CSAD: variants seen among roughly 807,000 people sequenced by gnomAD.
CSAD encodes P-selectin cytoplasmic tail-associated protein.
A neutral mutation model predicts 61.5 loss-of-function variants in CSAD; 47 were observed. The ratio of observed to expected loss-of-function variants is 0.76; its 90% CI spans 0.60 to 0.97. CSAD has a LOEUF of 0.97. Among genes scored for constraint, CSAD ranks in the 50% least tolerant of loss-of-function variants. The pLI is 0.00. For synonymous variants in CSAD, 245 were observed against 252.7 expected, an observed-to-expected ratio of 0.97 and a Z score of 0.29; for missense variants, 611 against 643.6, an observed-to-expected ratio of 0.95 and a Z score of 0.55.
intron 7 of CSAD, 51 bp downstream of exon 7, chr12:53,171,831 A>T: frequency 8.6e-7 from 1 of 1,156,136 alleles, no homozygotes. Context: ...ACGGTGGGGG[A>T]GGAGGAACTC....
rs1026003823 is a variant in CSAD, at chr12:53,170,202, C to G, written c.648-76G>C. ...GCAGGGTAAGGTGGGGTTAGCAATG[C>G]AGAGACAACAGTGCTAGTTTTTCCC... On this transcript the variant is annotated intron_variant, in intron 9 of 16. Coordinates refer to ENST00000444623, the MANE Select transcript of CSAD (RefSeq NM_001244705.2). 24 of 1,319,752 alleles carry G rather than the reference C, an allele frequency of 1.8e-5. No homozygotes were observed. The Middle Eastern group carries it at 5.4e-4, about 30-fold the overall frequency. The allele number at this position is 1,319,752 out of a possible 1,614,324, so 81.8% of individuals were successfully genotyped here.
chr12:53,173,292 A>C, intron 4 of CSAD, 53 bp downstream of exon 4: 1 of 1,494,860 alleles, frequency 6.7e-7, no homozygotes. Flanking sequence ...AAAAGAAAAG[A>C]GAAAAGAAAA....
At chr12:53,167,981 T>A (rs1940119529) in intron 10 of CSAD, among the ~76,000 whole-genome samples, 2 of 152,196 alleles carry the variant, frequency 1.3e-5, no homozygotes, top group African/African-American at 4.8e-5. Flanking sequence ...AACCCAAATG[T>A]CCATCAACTG....
At position 53,173,755 on chromosome 12, in the gene CSAD, G is replaced by A; in HGVS notation, c.-34C>T. ...CTCTGCTCAGGAGAGCCGGAGGCAGGGTGCACAGGTAGCTCCTCAGGACAG... is the reference window on the plus strand; with the variant it reads ...CTCTGCTCAGGAGAGCCGGAGGCAGAGTGCACAGGTAGCTCCTCAGGACAG... On this transcript the variant is annotated 5_prime_UTR_variant, in exon 3 of 17. Transcript: ENST00000444623. 6.2e-7 allele frequency: 1 copy of A among 1,613,122 alleles called. No individual in the cohort carries two copies. The highest frequency in any genetic ancestry group is 8.5e-7 in the Non-Finnish European group (1 of 1,179,274).
chr12:53,170,402 T>C (rs1040455570), intron 9 of CSAD, 21 bp downstream of exon 9: 3 of 1,608,844 alleles, frequency 1.9e-6, no homozygotes, highest in South Asian at 2.2e-5. Flanking sequence ...GTCACAGCCA[T>C]GTGGGCAGAA....
intron 4 of CSAD, 91 bp downstream of exon 4, chr12:53,173,254 A>AGG (rs67334572): frequency 5.7e-6 from 6 of 1,061,724 alleles, no homozygotes; most frequent in Non-Finnish European, 6.8e-6. Flanking sequence ...GAAGGAAGGA[A>AGG]GGGGGGGGGA....
chr12:53,160,907 T>A, intron 12 of CSAD, 63 bp from the exon 13 acceptor site: 1 of 1,445,578 alleles, frequency 6.9e-7, no homozygotes, highest in Non-Finnish European at 9.5e-7. Flanking sequence ...CCAGAGCCCT[T>A]CCTCCTTTTC....
At chr12:53,169,699 C>T (rs965287859) in intron 10 of CSAD, among the ~76,000 whole-genome samples, 2 of 151,864 alleles carry the variant, frequency 1.3e-5, no homozygotes, top group African/African-American at 4.8e-5. Context: ...TGCTAATGTC[C>T]CCTCATCCCC....
chr12:53,178,658 G>A (rs904338055), intron 2 of CSAD, among the ~76,000 whole-genome samples: 1 of 152,084 alleles, frequency 6.6e-6, no homozygotes, highest in African/African-American at 2.4e-5. Flanking sequence ...AGCCGGGCTG[G>A]CAGCAGGCGC....
chr12:53,177,954 TA>T (rs751734048), intron 2 of CSAD: 1,933 of 150,176 alleles, frequency 0.013, no homozygotes, highest in South Asian at 0.053. Flanking sequence ...ACCCATCTCT[TA>T]AAAAAAAAAA....
intron 10 of CSAD, among the ~76,000 whole-genome samples, chr12:53,162,187 C>T (rs193245290): frequency 2.0e-5 from 3 of 151,878 alleles, no homozygotes; most frequent in African/African-American, 4.8e-5. Context: ...GCATGAGAAT[C>T]GCTTGAACCC....
chr12:53,171,245 G>C, intron 8 of CSAD, 81 bp downstream of exon 8: 4 of 1,600,828 alleles, frequency 2.5e-6, no homozygotes, highest in South Asian at 1.1e-5. Flanking sequence ...GGAGGGCAGG[G>C]AGAAGACCTG....
At chr12:53,173,250 AG>A in intron 4 of CSAD, 94 bp downstream of exon 4, 3 of 1,105,548 alleles carry the variant, frequency 2.7e-6, no homozygotes, top group Non-Finnish European at 3.9e-6. Flanking sequence ...GAAAGAAGGA[AG>A]GAAGGGGGGG....
chr12:53,170,497 G>C lies in CSAD; in HGVS notation c.573C>G (p.His191Gln), dbSNP rs1940432012. Residue 191 changes from histidine (H) to glutamine (Q), a missense_variant, in exon 9 of 17, where the codon CAC (histidine) becomes CAG (glutamine). Coordinates refer to ENST00000444623, the MANE Select transcript of CSAD (RefSeq NM_001244705.2). ...PLALFTSKECHYSIQKGAAFL... is the reference protein window; with the variant it reads ...PLALFTSKECQYSIQKGAAFL... ...ACGCAGCTCCCTTCTGGATGGAGTA[G>C]TGACACTGTGGGGGAAGGCAGAGGG... is the stretch of plus-strand genomic sequence containing the variant. 2 of 1,613,904 alleles carry C rather than the reference G, an allele frequency of 1.2e-6. No individual in the cohort carries two copies. Among genetic ancestry groups the C allele is most frequent in the Non-Finnish European group, 1.7e-6 (2 of 1,179,896 alleles).
At position 53,173,792 on chromosome 12, in the gene CSAD, T is replaced by C. The variant is rs757217659; in HGVS notation, c.-49-22A>G. On this transcript the variant is annotated intron_variant, in intron 2 of 16. Transcript: ENST00000444623. ...GCTCCTCAGGACAGCAGGACCAAGA[T>C]GGCAGAGGAAGTGGGGTGAAAAGTG... 7.4e-6 allele frequency: 12 copies of C among 1,612,542 alleles called. No individual in the cohort carries two copies. The African/African-American group carries it at 1.3e-4, about 18-fold the overall frequency.
intron 10 of CSAD, among the ~76,000 whole-genome samples, chr12:53,164,134 G>A (rs936110108): frequency 4.6e-5 from 7 of 152,122 alleles, no homozygotes; most frequent in Admixed American, 4.6e-4. Context: ...AAATCCCAGG[G>A]CTAAAACTAT....
intron 10 of CSAD, among the ~76,000 whole-genome samples, chr12:53,168,886 T>A (rs918915430): frequency 2.0e-4 from 31 of 152,166 alleles, no homozygotes; most frequent in East Asian, 9.6e-4. Flanking sequence ...AATTTTTTTT[T>A]AAAACATTTA....
intron 6 of CSAD, 32 bp downstream of exon 6, chr12:53,172,314 G>C: frequency 6.3e-7 from 1 of 1,589,926 alleles, no homozygotes. Context: ...TAAATCCTTT[G>C]TGGGATGGTA....
At chr12:53,159,508 C>A in intron 16 of CSAD, 115 bp downstream of exon 16, 1 of 814,828 alleles carries the variant, frequency 1.2e-6, no homozygotes. Flanking sequence ...ATCCACGCCT[C>A]AGAGCAAGAG....
Sources: gnomAD v4.1 joint callset for allele counts (sites outside exome capture counted in the v4.1 genomes callset) on GRCh38, gnomAD v4.1.1 for gene constraint, MANE v1.5 for transcripts, NCBI Gene and HGNC (gene_info 2026-07-23, HGNC 2026-07-21) for gene names.